Variants in ANXA6 observed in about 807,000 individuals in gnomAD.
ANXA6 encodes 67 kDa calelectrin.
In ANXA6, 71 loss-of-function variants were observed where a neutral mutation model predicts 95.4. The ratio of observed to expected loss-of-function variants is 0.74; its 90% CI spans 0.61 to 0.91. The LOEUF (loss-of-function observed/expected upper bound fraction) is 0.91. Ranked by LOEUF, ANXA6 falls within the 40% of genes least tolerant of loss-of-function variation. ANXA6 has a pLI of 0.00. For synonymous variants in ANXA6, 289 were observed against 315.9 expected, an observed-to-expected ratio of 0.91 and a Z score of 0.90; for missense variants, 830 against 876.4, an observed-to-expected ratio of 0.95 and a Z score of 0.67.
chr5:151,141,879 C>G (rs1170664404), intron 2 of ANXA6, among the ~76,000 whole-genome samples: 2 of 152,178 alleles, frequency 1.3e-5, no homozygotes, highest in East Asian at 1.9e-4. Flanking sequence ...TTACTGCCAG[C>G]GCTCCCCTTG....
chr5:151,104,838 G>GA (rs58466156), intron 24 of ANXA6, among the ~76,000 whole-genome samples: 3,767 of 152,326 alleles, frequency 0.025, 146 homozygotes, highest in African/African-American at 0.08. Flanking sequence ...AGAGGGCAGA[G>GA]ACTGTGTCCT....
intron 8 of ANXA6, among the ~76,000 whole-genome samples, chr5:151,133,807 C>T (rs138352175): frequency 2.1e-4 from 32 of 152,292 alleles, no homozygotes; most frequent in African/African-American, 7.7e-4. Context: ...CTTCCCGATG[C>T]CCCCAGGCAC....
intron 20 of ANXA6, among the ~76,000 whole-genome samples, chr5:151,113,331 G>A (rs1333314477): frequency 5.3e-5 from 8 of 152,144 alleles, no homozygotes; most frequent in Non-Finnish European, 1.0e-4. Context: ...GAATCCGGGA[G>A]GTGGAGGTTG....
Position 151,105,244 on chromosome 5 carries a change from C to G in ANXA6, c.1839+1G>C. ...AAAGGAACGCCAGCATGTTTTCTTACCTTCATGGATTTGTAAAGTTTGTCG... is the reference window on the plus strand; with the variant it reads ...AAAGGAACGCCAGCATGTTTTCTTAGCTTCATGGATTTGTAAAGTTTGTCG... On this transcript the variant is annotated splice_donor_variant, in intron 24 of 25. Coordinates refer to ENST00000354546, the MANE Select transcript of ANXA6 (RefSeq NM_001155.5). LOFTEE classifies it high-confidence loss of function. The G allele has an allele frequency of 6.2e-7, 1 of 1,613,726 alleles. No homozygotes were observed.
At chr5:151,140,605 T>TATATA (rs1561583202) in intron 2 of ANXA6, 1 of 144,250 alleles carries the variant, frequency 6.9e-6, no homozygotes, top group Admixed American at 6.9e-5. Flanking sequence ...TATATATATA[T>TATATA]TTTAAGAGAT....
rs772306647 is a variant in ANXA6 at position 151,126,490 on chromosome 5, A to G, written c.978-10T>C. On this transcript the variant is annotated splice_polypyrimidine_tract_variant and intron_variant, in intron 13 of 25. Transcript: ENST00000354546. ...GAACTGGCCAGCAGCACTGGAATGGAGGGGTTTAGGGAGAGGACAGGAAGG... is the reference window on the plus strand; with the variant it reads ...GAACTGGCCAGCAGCACTGGAATGGGGGGGTTTAGGGAGAGGACAGGAAGG... 1.2e-5 allele frequency: 20 copies of G among 1,602,222 alleles called. No individual in the cohort carries two copies. The African/African-American group carries it at 2.3e-4, about 18-fold the overall frequency.
chr5:151,104,189 C>T (rs1053837261), intron 24 of ANXA6, among the ~76,000 whole-genome samples: 1 of 152,168 alleles, frequency 6.6e-6, no homozygotes, highest in South Asian at 2.1e-4. Flanking sequence ...TCCCCCAGAG[C>T]CTCCAGGAGG....
intron 19 of ANXA6, 107 bp downstream of exon 19, chr5:151,117,651 A>G: frequency 2.1e-6 from 2 of 935,542 alleles, no homozygotes; most frequent in Non-Finnish European, 3.3e-6. Flanking sequence ...CCCCCTCTCC[A>G]TCAGGAGTGC....
chr5:151,110,631 A>T lies in ANXA6; in HGVS notation c.1586T>A (p.Ile529Asn). 6.2e-7 allele frequency: 1 copy of T among 1,613,416 alleles called. No homozygotes were observed. The highest frequency in any genetic ancestry group is 8.5e-7 in the Non-Finnish European group (1 of 1,179,560). The change falls in exon 21 of 26, where the codon ATC becomes AAC. Residue 529 changes from isoleucine to asparagine, a missense_variant. Physicochemically the swap from Ile to Asn is moderately radical, Grantham distance 149. Transcript: ENST00000354546. The part of the protein sequence containing the change: ...AREDAQVAAE[I>N]LEIADTPSGD... ...AATGAAGAACAGGACACTCACCAAG[A>T]TCTCAGCAGCCACCTGAGAGCAGGG...
At chr5:151,111,190 T>C (rs7706525) in intron 20 of ANXA6, among the ~76,000 whole-genome samples, 73,947 of 152,040 alleles carry the variant, frequency 0.49, 18,105 homozygotes, top group East Asian at 0.58. Context: ...CAGCAAACAG[T>C]GATGGGAAAG....
At chr5:151,133,710 C>T (rs958181238) in intron 8 of ANXA6, among the ~76,000 whole-genome samples, 2 of 152,194 alleles carry the variant, frequency 1.3e-5, no homozygotes, top group African/African-American at 4.8e-5. Context: ...ATGACTATAC[C>T]TATATGCCTT....
At chr5:151,133,893 A>G (rs890470662) in intron 8 of ANXA6, among the ~76,000 whole-genome samples, 4 of 152,100 alleles carry the variant, frequency 2.6e-5, no homozygotes, top group African/African-American at 4.8e-5. Context: ...GATCTACTGT[A>G]TATGATAATG....
chr5:151,126,524 C>T (rs1316578520), intron 13 of ANXA6, 44 bp from the exon 14 acceptor site: 2 of 1,444,596 alleles, frequency 1.4e-6, no homozygotes, highest in Admixed American at 1.9e-5. Context: ...GGAATGTCAT[C>T]ATGGGCAACA....
At chr5:151,135,087 C>T (rs374202905) in intron 7 of ANXA6, among the ~76,000 whole-genome samples, 5 of 152,260 alleles carry the variant, frequency 3.3e-5, no homozygotes, top group Middle Eastern at 3.4e-3. Context: ...GGAAGAGGGG[C>T]GAGCAGTACT....
chr5:151,156,736 A>AG (rs1036248672), intron 1 of ANXA6, among the ~76,000 whole-genome samples: 1 of 152,168 alleles, frequency 6.6e-6, no homozygotes. Context: ...TTCCCCTTGT[A>AG]GGGCCTACAA....
intron 11 of ANXA6, among the ~76,000 whole-genome samples, chr5:151,130,726 G>GGGACTCA (rs1765488003): frequency 4.5e-5 from 1 of 22,216 alleles, no homozygotes; most frequent in South Asian, 1.5e-3. Context: ...CCTGTGTCTC[G>GGGACTCA]GGCCTCAGGC....
At chr5:151,143,465 A>G (rs1042314766) in intron 2 of ANXA6, among the ~76,000 whole-genome samples, 3 of 152,138 alleles carry the variant, frequency 2.0e-5, no homozygotes, top group Admixed American at 1.3e-4. Context: ...GATACTCACA[A>G]TTCCAGGGCA....
chr5:151,119,581 C>A (rs1765104263), intron 17 of ANXA6, among the ~76,000 whole-genome samples, 191 bp from the exon 18 acceptor site: 1 of 152,212 alleles, frequency 6.6e-6, no homozygotes, highest in Non-Finnish European at 1.5e-5. Flanking sequence ...TCCCCAGAAC[C>A]TCCCATGTGA....
At chr5:151,132,442 C>G in intron 10 of ANXA6, 34 bp downstream of exon 10, 19 of 1,542,358 alleles carry the variant, frequency 1.2e-5, no homozygotes, top group Non-Finnish European at 1.6e-5. Flanking sequence ...CCAGAATCCC[C>G]TAAAGCCCCC....
Sources: allele counts gnomAD v4.1 joint callset (sites outside exome capture counted in the v4.1 genomes callset), GRCh38; gene constraint gnomAD v4.1.1; transcripts MANE v1.5; gene names NCBI Gene and HGNC (gene_info 2026-07-23, HGNC 2026-07-21).